The following MYBBP1A variants were observed in gnomAD, a reference collection of about 807,000 sequenced individuals.
MYBBP1A encodes the protein MYB binding protein 1a, also known as myb-binding protein 1A.
Under a neutral mutation model 136.3 loss-of-function variants are expected in MYBBP1A, and 147 were observed. The observed-to-expected ratio is 1.08, with a 90% CI of 0.94 to 1.24. The LOEUF (loss-of-function observed/expected upper bound fraction) is 1.24, where lower values mean the gene tolerates loss of function less well. MYBBP1A is among the 50% of genes most tolerant of loss of function. MYBBP1A has a pLI of 0.00. For missense variants in MYBBP1A, 2,060 were observed against 1,727.4 expected (o/e 1.19, Z -3.41); for synonymous variants, 947 against 735.8 (o/e 1.29, Z -4.65).
intron 19 of MYBBP1A, 112 bp downstream of exon 19, chr17:4,544,377 G>A (rs1295310521): frequency 2.8e-6 from 4 of 1,410,234 alleles, no homozygotes; most frequent in Non-Finnish European, 3.8e-6. Flanking sequence ...TAGGGGCCCA[G>A]GCTGGAAGCT....
chr17:4,555,095 C>A, intron 1 of MYBBP1A, 32 bp downstream of exon 1: 1 of 1,564,066 alleles, frequency 6.4e-7, no homozygotes, highest in Non-Finnish European at 8.7e-7. Context: ...CCGGGATATG[C>A]GCAGCCTCTG....
chr17:4,552,028 G>A lies in MYBBP1A; in HGVS notation c.906-31C>T, dbSNP rs1333236203. On this transcript the variant is annotated intron_variant, in intron 7 of 25. Coordinates refer to ENST00000254718, the MANE Select transcript of MYBBP1A (RefSeq NM_014520.4). This position sits in a 1 kb window ranked among gnomAD's most constrained non-coding sequence, Gnocchi z 4.7. Reference sequence around the variant, plus strand: ...GGGGGTGCAGGACAGAGCCTGGTCAGAGCCCTTGGTGCCCCTGGTGGGAAC... The same window carrying A: ...GGGGGTGCAGGACAGAGCCTGGTCAAAGCCCTTGGTGCCCCTGGTGGGAAC... 1 of 1,597,564 alleles carries A rather than the reference G, an allele frequency of 6.3e-7. No homozygotes were observed. Among genetic ancestry groups the A allele is most frequent in the Non-Finnish European group, 8.6e-7 (1 of 1,169,200 alleles).
At position 4,544,537 on chromosome 17, in the gene MYBBP1A, C is replaced by T. The variant is rs1305348419; in HGVS notation, c.2591G>A (p.Ser864Asn). ...CAGAAGGTCCTGCTCCTGTTTGGAG[C>T]TGCTGCTGCGCAGGCTGCGCCGGAT... The part of the protein sequence containing the change: ...SIIRRSLRSS[S>N]SKQEQDLLHK... The change falls in exon 19 of 26, where the codon AGC (serine) becomes AAC (asparagine). Residue 864 changes from serine (S) to asparagine (N), a missense_variant. Physicochemically the swap from Ser to Asn is conservative, Grantham distance 46 (BLOSUM62 1). Coordinates refer to ENST00000254718, the MANE Select transcript of MYBBP1A (RefSeq NM_014520.4). 3 of 1,556,224 alleles carry T rather than the reference C, an allele frequency of 1.9e-6. No homozygotes were observed. The highest frequency in any genetic ancestry group is 1.2e-5 in the South Asian group (1 of 84,462).
At position 4,555,375 on chromosome 17, in the gene MYBBP1A, C is replaced by T. The variant is rs543816885; in HGVS notation, c.-51G>A. ...AACACGTGTGCTCCGGCCCCAGCCG[C>T]TTCCAGGTCAGGGCACGGCGCATGC... On this transcript the variant is annotated 5_prime_UTR_variant, in exon 1 of 26. Transcript: ENST00000254718. The T allele has an allele frequency of 1.4e-5, 21 of 1,552,256 alleles. No individual in the cohort carries two copies. Among genetic ancestry groups the T allele is most frequent in the African/African-American group, 1.1e-4 (8 of 73,550 alleles).
At position 4,552,245 on chromosome 17, in the gene MYBBP1A, C is replaced by T. The variant is rs765544127; in HGVS notation, c.785G>A (p.Arg262His). 61 of 1,614,062 alleles carry T rather than the reference C, an allele frequency of 3.8e-5. No homozygotes were observed. Among genetic ancestry groups the T allele is most frequent in the Middle Eastern group, 1.6e-4 (1 of 6,084 alleles). ...GTCCAGAGCAATGGCGGGCAGCTTG[C>T]GGTCCTTCTTCACAGAGGAGGCGGC... ...KMAASSVKKD[R>H]KLPAIALDLL... The change falls in exon 7 of 26, where the codon CGC becomes CAC. Residue 262 changes from arginine (R) to histidine (H), a missense_variant. Transcript: ENST00000254718. The surrounding 1 kb of genome is among the most constrained non-coding windows in gnomAD (Gnocchi z 4.7).
chr17:4,547,709 AG>A, intron 13 of MYBBP1A: 1 of 433,478 alleles, frequency 2.3e-6, no homozygotes, highest in South Asian at 6.1e-5. Context: ...AAACATGGAG[AG>A]GGGGTGTCTG....
In MYBBP1A at chr17:4,544,610, G is replaced by A. The variant is rs1243361873; in HGVS notation, c.2518C>T (p.Pro840Ser). The A allele has an allele frequency of 3.8e-6, 6 of 1,588,420 alleles. No homozygotes were observed. Among genetic ancestry groups the A allele is most frequent in the South Asian group, 1.1e-5 (1 of 87,402 alleles). The change falls in exon 19 of 26, where the codon CCC (proline) becomes TCC (serine). Residue 840 changes from proline (P) to serine (S), a missense_variant. Transcript: ENST00000254718. ...DLVEVLVTKQ[P>S]ENALVLELLE... ...AGCTCCAGGACCAGGGCATTCTCGGGCTGCTTGGTCACTAGCACCTCCACC... is the reference window on the plus strand; with the variant it reads ...AGCTCCAGGACCAGGGCATTCTCGGACTGCTTGGTCACTAGCACCTCCACC...
chr17:4,543,418 G>A (rs1055690964), intron 19 of MYBBP1A: 43 of 529,650 alleles, frequency 8.1e-5, no homozygotes, highest in Admixed American at 2.6e-4. Context: ...TGCACCAAGG[G>A]CCAACTGCCT....
rs763777995 is a variant in MYBBP1A, at chr17:4,545,351, G to A, written c.2074-6C>T. The A allele has an allele frequency of 1.2e-6, 2 of 1,612,722 alleles. No homozygotes were observed. The highest frequency in any genetic ancestry group is 1.1e-5 in the South Asian group (1 of 91,046). On this transcript the variant is annotated splice_polypyrimidine_tract_variant and splice_region_variant and intron_variant, in intron 15 of 25. Transcript: ENST00000254718. The stretch of plus-strand genomic sequence containing the variant: ...CTGGTCTCGGGGTTCAGCACCTGGG[G>A]AGGGGTGCCAGCCACTGACCCATTT...
Position 4,542,681 on chromosome 17 carries a change from A to C in MYBBP1A, c.2953T>G (p.Phe985Val). ...AGGGGGCTGTTGCGCTTGGTCAGGA[A>C]GGAGCTCAGTGCTGTCGAGTACACC... ...TRVYSTALSS[F>V]LTKRNSPLTV... is the part of the protein sequence containing the mutation. The change falls in exon 21 of 26, where the codon TTC becomes GTC. Residue 985 changes from phenylalanine (F) to valine (V), a missense_variant. Physicochemically the swap from Phe to Val is conservative, Grantham distance 50. Transcript: ENST00000254718. 6.2e-7 allele frequency: 1 copy of C among 1,614,050 alleles called. No homozygotes were observed. Among genetic ancestry groups the C allele is most frequent in the East Asian group, 2.2e-5 (1 of 44,874 alleles).
In MYBBP1A at chr17:4,542,916, CG is replaced by C; in HGVS notation, c.2888del (p.Pro963ArgfsTer9). ...TCCTGGGCCAGGCCCTGCTCACCTG[CG>C]GGCCCGTGGGCATGTGGCTGGGGTC... ...GTDPSHMPTG[P>X]QAASCLDLNL... On this transcript the variant is annotated frameshift_variant, in exon 20 of 26. Coordinates refer to ENST00000254718, the MANE Select transcript of MYBBP1A (RefSeq NM_014520.4). LOFTEE classifies it high-confidence loss of function. The C allele has an allele frequency of 6.2e-7, 1 of 1,613,842 alleles. No individual in the cohort carries two copies. The highest frequency in any genetic ancestry group is 8.5e-7 in the Non-Finnish European group (1 of 1,179,928).
At position 4,548,740 on chromosome 17, in the gene MYBBP1A, C is replaced by A; in HGVS notation, c.1431-91G>T. On this transcript the variant is annotated intron_variant, in intron 10 of 25. Transcript: ENST00000254718. The surrounding 1 kb of genome is among the most constrained non-coding windows in gnomAD (Gnocchi z 4.2). ...GGATGGTACCACCGAGGGTACAAGG[C>A]CAGGAGGAGGAGGAGCCGCCCTTCT... 6.4e-7 allele frequency: 1 copy of A among 1,558,396 alleles called. No homozygotes were observed. Among genetic ancestry groups the A allele is most frequent in the Non-Finnish European group, 8.7e-7 (1 of 1,145,866 alleles).
rs747135749 is a variant in MYBBP1A, at chr17:4,552,199, C to G, written c.831G>C (p.Lys277Asn). 70 of 1,614,118 alleles carry G rather than the reference C, an allele frequency of 4.3e-5. No homozygotes were observed. The highest frequency in any genetic ancestry group is 3.8e-4 in the Admixed American group (23 of 60,016). ...TCCAGAACCGTGGGAACTTGTCTTC[C>G]TTGAGTGCCAGGCGGAGCAGGTCCA... ...IALDLLRLALKEDKFPRFWKE... is the reference protein window; with the variant it reads ...IALDLLRLALNEDKFPRFWKE... The change falls in exon 7 of 26, where the codon AAG becomes AAC. Residue 277 changes from lysine (K) to asparagine (N), a missense_variant. By Grantham distance (94) the Lys-to-Asn change is moderately conservative (BLOSUM62 0). Coordinates refer to ENST00000254718, the MANE Select transcript of MYBBP1A (RefSeq NM_014520.4). The surrounding 1 kb of genome is among the most constrained non-coding windows in gnomAD (Gnocchi z 4.7).
In MYBBP1A at chr17:4,549,377, C is replaced by T; in HGVS notation, c.1385G>A (p.Ser462Asn). The T allele has an allele frequency of 1.2e-6, 2 of 1,613,192 alleles. No homozygotes were observed. Among genetic ancestry groups the T allele is most frequent in the Non-Finnish European group, 1.7e-6 (2 of 1,179,990 alleles). ...IIFRLVSIVDSLHLEMEEALT... is the reference protein window; with the variant it reads ...IIFRLVSIVDNLHLEMEEALT... ...GGCCTCCTCCATCTCCAGGTGCAGG[C>T]TGTCCACAATGCTCACCAATCGAAA... The change falls in exon 10 of 26, where the codon AGC becomes AAC. Residue 462 changes from serine to asparagine, a missense_variant. Coordinates refer to ENST00000254718, the MANE Select transcript of MYBBP1A (RefSeq NM_014520.4).
Position 4,550,367 on chromosome 17 carries a change from G to C in MYBBP1A, c.1024-14C>G, listed in dbSNP as rs774047096. On this transcript the variant is annotated splice_polypyrimidine_tract_variant and intron_variant, in intron 8 of 25. Transcript: ENST00000254718. ...CTGCTTTGGGAGCTGCAAGAGTTAGGCATGGCGCTGAGCCCACCAGCCCAG... is the reference window on the plus strand; with the variant it reads ...CTGCTTTGGGAGCTGCAAGAGTTAGCCATGGCGCTGAGCCCACCAGCCCAG... 1 of 1,603,784 alleles carries C rather than the reference G, an allele frequency of 6.2e-7. No homozygotes were observed. The highest frequency in any genetic ancestry group is 8.5e-7 in the Non-Finnish European group (1 of 1,175,040).
At chr17:4,540,019 C>T (rs370658119) in intron 25 of MYBBP1A, 52 bp from the exon 26 acceptor site, 43 of 1,554,400 alleles carry the variant, frequency 2.8e-5, no homozygotes, top group Non-Finnish European at 2.8e-5. Flanking sequence ...CAGCAGCCAC[C>T]GCCACCGCGA....
chr17:4,541,644 G>T, intron 23 of MYBBP1A, 80 bp from the exon 24 acceptor site: 1 of 1,513,144 alleles, frequency 6.6e-7, no homozygotes, highest in Non-Finnish European at 9.1e-7. Context: ...GTAAAGCCCA[G>T]AGGCAGGGAC....
In MYBBP1A at chr17:4,539,794, C is replaced by A. The variant is rs1416850327; in HGVS notation, c.3608G>T (p.Ser1203Ile). The change falls in exon 26 of 26, where the codon AGC becomes ATC. Residue 1203 changes from serine to isoleucine, a missense_variant. Coordinates refer to ENST00000254718, the MANE Select transcript of MYBBP1A (RefSeq NM_014520.4). Reference protein sequence around the residue: ...EDGTPAATGGSQPPSMGRKKR... With the variant: ...EDGTPAATGGIQPPSMGRKKR... ...CTTCCTGCCCATGCTGGGGGGCTGG[C>A]TCCCGCCGGTGGCTGCAGGTGTGCC... The A allele has an allele frequency of 1.2e-6, 2 of 1,612,384 alleles. No individual in the cohort carries two copies. The highest frequency in any genetic ancestry group is 2.2e-5 in the South Asian group (2 of 91,066).
chr17:4,543,916 G>A (rs1906706358), intron 19 of MYBBP1A, among the ~76,000 whole-genome samples: 1 of 151,966 alleles, frequency 6.6e-6, no homozygotes, highest in Non-Finnish European at 1.5e-5. Flanking sequence ...TGCTGATAAT[G>A]CCTCTGTGGC....
Sources: gnomAD v4.1 joint callset for allele counts (sites outside exome capture counted in the v4.1 genomes callset) on GRCh38, gnomAD v4.1.1 for gene constraint, Gnocchi (gnomAD v3.1) non-coding constraint, MANE v1.5 for transcripts, NCBI Gene and HGNC (gene_info 2026-07-23, HGNC 2026-07-21) for gene names.